FOCAD: variants seen among roughly 807,000 people sequenced by gnomAD.
FOCAD encodes the protein KIAA1797.
A neutral mutation model predicts 225.6 loss-of-function variants in FOCAD; 198 were observed. The ratio of observed to expected loss-of-function variants is 0.88; its 90% CI spans 0.78 to 0.99. FOCAD has a LOEUF of 0.99. Among genes scored for constraint, FOCAD ranks in the 50% least tolerant of loss-of-function variants. The pLI, the probability that FOCAD is intolerant of heterozygous loss-of-function variation, is 0.00. For synonymous variants in FOCAD, 897 were observed against 755.0 expected (o/e 1.19, Z -3.08); for missense variants, 2,713 against 2,123.6 (o/e 1.28, Z -5.46).
chr9:20,695,327 C>G (rs574829196), intron 1 of FOCAD, among the ~76,000 whole-genome samples: 8 of 152,242 alleles, frequency 5.3e-5, no homozygotes, highest in Non-Finnish European at 1.2e-4. Context: ...TGGGATCATC[C>G]TGATCCCTCT....
intron 35 of FOCAD, among the ~76,000 whole-genome samples, chr9:20,969,704 A>AT (rs1839591391): frequency 4.0e-3 from 1 of 250 alleles, no homozygotes; most frequent in South Asian, 0.17. Flanking sequence ...AAACAAAAAT[A>AT]TAAAAAAATA....
chr9:20,949,291 C>A (rs1837473207), intron 32 of FOCAD, among the ~76,000 whole-genome samples: 1 of 152,124 alleles, frequency 6.6e-6, no homozygotes, highest in Non-Finnish European at 1.5e-5. Context: ...TGTTCTTTAA[C>A]TTCAAAATAT....
intron 11 of FOCAD, among the ~76,000 whole-genome samples, chr9:20,811,456 G>A (rs1003173355): frequency 3.3e-5 from 5 of 152,066 alleles, no homozygotes; most frequent in African/African-American, 1.2e-4. Context: ...AGGCTAGAGT[G>A]ATATATCACT....
chr9:20,717,098 A>T (rs1024783613), intron 2 of FOCAD, among the ~76,000 whole-genome samples: 5 of 152,212 alleles, frequency 3.3e-5, no homozygotes, highest in African/African-American at 9.6e-5. Flanking sequence ...ACTAAACTTA[A>T]TATTCATGTA....
intron 2 of FOCAD, among the ~76,000 whole-genome samples, chr9:20,677,968 A>G (rs1822285150): frequency 6.6e-6 from 1 of 152,136 alleles, no homozygotes; most frequent in Non-Finnish European, 1.5e-5. Flanking sequence ...AAATGTATGT[A>G]TGTGTGTGTG....
chr9:20,708,019 T>G (rs1411121061), intron 1 of FOCAD, among the ~76,000 whole-genome samples: 1 of 152,128 alleles, frequency 6.6e-6, no homozygotes, highest in Non-Finnish European at 1.5e-5. Flanking sequence ...AGATCCATAT[T>G]AGACAGTACA....
At chr9:20,964,201 A>T (rs1839038954) in intron 35 of FOCAD, among the ~76,000 whole-genome samples, 1 of 151,992 alleles carries the variant, frequency 6.6e-6, no homozygotes, top group Admixed American at 6.6e-5. Flanking sequence ...CCCCGTCTAT[A>T]CAGAAAATAC....
rs73438367 is a variant in FOCAD at position 20,790,930 on chromosome 9, T to G, written c.1455+1322T>G. ...ACCTCATCTGTTCTGATTCTGCAAG[T>G]GGATCTGTAATGTACTCAAAATACT... On this transcript the variant is annotated intron_variant, in intron 11 of 43. Coordinates refer to ENST00000338382, the MANE Select transcript of FOCAD (RefSeq NM_001375567.1). Among the ~76,000 whole-genome samples, 944 of 152,318 alleles carry G rather than the reference T, an allele frequency of 6.2e-3. 10 individuals carry two copies. Among genetic ancestry groups the G allele is most frequent in the African/African-American group, 0.021 (875 of 41,568 alleles).
chr9:20,829,575 A>G (rs1398905133), intron 15 of FOCAD, among the ~76,000 whole-genome samples: 2 of 151,996 alleles, frequency 1.3e-5, no homozygotes, highest in Non-Finnish European at 2.9e-5. Flanking sequence ...GATCCTTTGA[A>G]TATTTTCTTC....
intron 4 of FOCAD, among the ~76,000 whole-genome samples, chr9:20,733,293 TTTCA>T (rs1426342127): frequency 2.4e-4 from 36 of 152,318 alleles, no homozygotes; most frequent in African/African-American, 8.7e-4. Flanking sequence ...ACCGTGGTTA[TTTCA>T]TTGTTTATTT....
intron 33 of FOCAD, 116 bp from the exon 34 acceptor site, chr9:20,950,878 GCT>G (rs1837621617): frequency 2.6e-6 from 2 of 773,632 alleles, no homozygotes; most frequent in Non-Finnish European, 4.6e-6. Context: ...TCATAGGACT[GCT>G]CGTTGCCAGC....
intron 15 of FOCAD, among the ~76,000 whole-genome samples, chr9:20,831,916 A>T (rs10757149): frequency 0.59 from 90,275 of 151,790 alleles, 27,118 homozygotes; most frequent in East Asian, 0.67. Flanking sequence ...GCATAGATAT[A>T]CCTATTCTGG....
At chr9:20,739,733 C>T (rs1204244392) in intron 4 of FOCAD, among the ~76,000 whole-genome samples, 3 of 151,736 alleles carry the variant, frequency 2.0e-5, no homozygotes, top group African/African-American at 4.8e-5. Flanking sequence ...ATATGTTTAT[C>T]CTCTTATCTC....
At chr9:20,752,617 G>C (rs917463675) in intron 5 of FOCAD, among the ~76,000 whole-genome samples, 3 of 151,898 alleles carry the variant, frequency 2.0e-5, no homozygotes, top group African/African-American at 4.8e-5. Flanking sequence ...TGTTCTTTTG[G>C]CTTAGGATTG....
At chr9:20,757,096 A>G (rs750941633) in intron 5 of FOCAD, among the ~76,000 whole-genome samples, 29 of 152,038 alleles carry the variant, frequency 1.9e-4, no homozygotes, top group Non-Finnish European at 4.0e-4. Context: ...TTCCCGGCTA[A>G]TTTTGTATTT....
At chr9:20,852,775 A>G (rs1309120689) in intron 15 of FOCAD, among the ~76,000 whole-genome samples, 1 of 151,778 alleles carries the variant, frequency 6.6e-6, no homozygotes, top group Admixed American at 6.6e-5. Context: ...GTACACTTAC[A>G]GCCTCTTTAG....
intron 21 of FOCAD, among the ~76,000 whole-genome samples, chr9:20,904,919 G>T (rs1448354881): frequency 2.0e-5 from 3 of 151,872 alleles, no homozygotes; most frequent in Non-Finnish European, 4.4e-5. Context: ...TAAAATATAG[G>T]CAATGTGGCT....
chr9:20,842,757 T>C (rs1168260757), intron 15 of FOCAD, among the ~76,000 whole-genome samples: 2 of 152,026 alleles, frequency 1.3e-5, no homozygotes, highest in Non-Finnish European at 2.9e-5. Context: ...ACTGCCATTT[T>C]ATTCATTGTT....
At chr9:20,813,225 G>T (rs868744115) in intron 11 of FOCAD, among the ~76,000 whole-genome samples, 2 of 151,986 alleles carry the variant, frequency 1.3e-5, no homozygotes, top group Admixed American at 1.3e-4. Flanking sequence ...ATATTCCATT[G>T]TATGCATATA....
Sources: gnomAD v4.1 joint callset for allele counts (sites outside exome capture counted in the v4.1 genomes callset) on GRCh38, gnomAD v4.1.1 for gene constraint, MANE v1.5 for transcripts, NCBI Gene and HGNC (gene_info 2026-07-23, HGNC 2026-07-21) for gene names.